DHX16: variants seen among roughly 807,000 people sequenced by gnomAD.
The protein encoded by DHX16 is pre-mRNA-splicing factor ATP-dependent RNA helicase DHX16.
Under a neutral mutation model 131.2 loss-of-function variants are expected in DHX16, and 81 were observed. That is an observed-to-expected ratio of 0.62 (90% CI 0.52 to 0.74). DHX16 has a LOEUF of 0.74. Among genes scored for constraint, DHX16 ranks in the 30% least tolerant of loss-of-function variants. The pLI is 0.00. For synonymous variants in DHX16, 440 were observed against 520.2 expected (o/e 0.85, Z 2.10); for missense variants, 980 against 1,363.1 (o/e 0.72, Z 4.43).
chr6:30,665,801 T>G lies in DHX16; in HGVS notation c.667-68A>C. ...AGCAACCCCTTTCTCTACCAATCCCTACAAGGGAAAAATCCCCTGACAGGC... is the reference window on the plus strand; with the variant it reads ...AGCAACCCCTTTCTCTACCAATCCCGACAAGGGAAAAATCCCCTGACAGGC... On this transcript the variant is annotated intron_variant, in intron 4 of 19. Coordinates refer to ENST00000376442, the MANE Select transcript of DHX16 (RefSeq NM_003587.5). This position sits in a 1 kb window ranked among gnomAD's most constrained non-coding sequence, Gnocchi z 4.8. The G allele has an allele frequency of 6.5e-7, 1 of 1,542,036 alleles. No homozygotes were observed. Among genetic ancestry groups the G allele is most frequent in the Non-Finnish European group, 8.7e-7 (1 of 1,151,040 alleles).
Position 30,656,189 on chromosome 6 carries a change from A to T in DHX16, c.2498+9T>A. 1 of 1,612,514 alleles carries T rather than the reference A, an allele frequency of 6.2e-7. No homozygotes were observed. Among genetic ancestry groups the T allele is most frequent in the Non-Finnish European group, 8.5e-7 (1 of 1,179,974 alleles). On this transcript the variant is annotated intron_variant, in intron 16 of 19. Coordinates refer to ENST00000376442, the MANE Select transcript of DHX16 (RefSeq NM_003587.5). The surrounding 1 kb of genome is among the most constrained non-coding windows in gnomAD (Gnocchi z 5.1). ...TGTGCTGGGGGCCCAGGTGGAGGCG[A>T]GGGCTTACTTCTCAGAGGCTAAGAT...
Position 30,670,259 on chromosome 6 carries a change from G to A in DHX16, c.666+151C>T. On this transcript the variant is annotated intron_variant, in intron 4 of 19. Coordinates refer to ENST00000376442, the MANE Select transcript of DHX16 (RefSeq NM_003587.5). The surrounding 1 kb of genome is among the most constrained non-coding windows in gnomAD (Gnocchi z 4.4). ...CAACAACATAAGTCTATCCTCAGCT[G>A]GCTCCTAACAACCAAGCCCCTCTTC... 1.5e-6 allele frequency: 1 copy of A among 686,282 alleles called. No homozygotes were observed. The highest frequency in any genetic ancestry group is 2.4e-6 in the Non-Finnish European group (1 of 415,116). 42.5% of individuals were successfully genotyped at this position (686,282 alleles called of 1,614,324 possible). A position where few individuals can be genotyped will look rare whatever the true frequency, so the allele number is the denominator to read the frequency against.
Position 30,659,851 on chromosome 6 carries a change from G to A in DHX16, c.1756-17C>T, listed in dbSNP as rs1474417869. 3 of 1,612,208 alleles carry A rather than the reference G, an allele frequency of 1.9e-6. No homozygotes were observed. The highest frequency in any genetic ancestry group is 2.2e-5 in the South Asian group (2 of 90,840). On this transcript the variant is annotated splice_polypyrimidine_tract_variant and intron_variant, in intron 10 of 19. Coordinates refer to ENST00000376442, the MANE Select transcript of DHX16 (RefSeq NM_003587.5). ...CTCTGGAGCCTGGAGAGCAGAAAGAGATGGGGTCACAGGAGGGCCACCTGC... is the reference window on the plus strand; with the variant it reads ...CTCTGGAGCCTGGAGAGCAGAAAGAAATGGGGTCACAGGAGGGCCACCTGC...
rs750482309 is a variant in DHX16, at chr6:30,665,037, T to G, written c.1125+34A>C. On this transcript the variant is annotated intron_variant, in intron 6 of 19. Coordinates refer to ENST00000376442, the MANE Select transcript of DHX16 (RefSeq NM_003587.5). This position sits in a 1 kb window ranked among gnomAD's most constrained non-coding sequence, Gnocchi z 4.8. ...TGTGAGCTAAATAGCTCGCTACGGG[T>G]CTTCCTCAGAAAGTCTCCCAGCTCC... The G allele has an allele frequency of 1.8e-5, 29 of 1,613,590 alleles. 1 individual carries two copies. The African/African-American group carries it at 3.5e-4, about 19-fold the overall frequency.
rs1768012899 is a variant in DHX16, at chr6:30,656,662, T to C, written c.2246A>G (p.Glu749Gly). The C allele has an allele frequency of 6.2e-7, 1 of 1,613,998 alleles. No individual in the cohort carries two copies. The highest frequency in any genetic ancestry group is 8.5e-7 in the Non-Finnish European group (1 of 1,180,036). The change falls in exon 14 of 20, where the codon GAA becomes GGA. Residue 749 changes from glutamate to glycine, a missense_variant. By Grantham distance (98) the Glu-to-Gly change is moderately conservative (BLOSUM62 -2). Coordinates refer to ENST00000376442, the MANE Select transcript of DHX16 (RefSeq NM_003587.5). This position sits in a 1 kb window ranked among gnomAD's most constrained non-coding sequence, Gnocchi z 5.1. Reference protein sequence around the residue: ...TAWAYQHELEETTVPEIQRTS... With the variant: ...TAWAYQHELEGTTVPEIQRTS... ...CCTCTGGATCTCAGGCACTGTGGTTTCCTCAAGCTCGTGCTGATAGGCCCA... is the reference window on the plus strand; with the variant it reads ...CCTCTGGATCTCAGGCACTGTGGTTCCCTCAAGCTCGTGCTGATAGGCCCA...
In DHX16 at chr6:30,662,760, T is replaced by G. The variant is rs374723286; in HGVS notation, c.1429-18A>C. On this transcript the variant is annotated intron_variant, in intron 8 of 19. Coordinates refer to ENST00000376442, the MANE Select transcript of DHX16 (RefSeq NM_003587.5). The surrounding 1 kb of genome is among the most constrained non-coding windows in gnomAD (Gnocchi z 4.7). ...TAGCCAACCTGGTCAAGGGAACCATTAGCAACCAAGTGTGGGCTGGTGTGC... is the reference window on the plus strand; with the variant it reads ...TAGCCAACCTGGTCAAGGGAACCATGAGCAACCAAGTGTGGGCTGGTGTGC... 1.9e-6 allele frequency: 3 copies of G among 1,609,616 alleles called. No individual in the cohort carries two copies. The highest frequency in any genetic ancestry group is 2.5e-6 in the Non-Finnish European group (3 of 1,177,684).
At chr6:30,672,530 C>T (rs1464491889) in intron 1 of DHX16, 105 bp downstream of exon 1, 12 of 1,082,710 alleles carry the variant, frequency 1.1e-5, no homozygotes, top group South Asian at 1.5e-5. Flanking sequence ...CGACAACGGA[C>T]AAAGAATAAG....
chr6:30,660,393 C>G (rs749262718), intron 9 of DHX16, 151 bp from the exon 10 acceptor site: 3 of 591,882 alleles, frequency 5.1e-6, no homozygotes, highest in Non-Finnish European at 8.0e-6. Flanking sequence ...TCAGCCATCC[C>G]ACTTATGTAG....
In DHX16 at chr6:30,665,063, CCT is replaced by C. The variant is rs754941422; in HGVS notation, c.1125+6_1125+7del. 1.9e-6 allele frequency: 3 copies of C among 1,613,952 alleles called. No homozygotes were observed. Among genetic ancestry groups the C allele is most frequent in the Non-Finnish European group, 2.5e-6 (3 of 1,179,962 alleles). On this transcript the variant is annotated splice_donor_region_variant and intron_variant, in intron 6 of 19. Coordinates refer to ENST00000376442, the MANE Select transcript of DHX16 (RefSeq NM_003587.5). This position sits in a 1 kb window ranked among gnomAD's most constrained non-coding sequence, Gnocchi z 4.8. ...CTTCCTCAGAAAGTCTCCCAGCTCC[CCT>C]CTTACCTCATCACCCTGGAGCTGAG...
intron 9 of DHX16, chr6:30,661,666 C>A (rs1768529194): frequency 2.9e-6 from 2 of 697,746 alleles, no homozygotes; most frequent in African/African-American, 3.5e-5. Flanking sequence ...TCTCTTTGTT[C>A]TTTGGCTTTT....
Position 30,665,808 on chromosome 6 carries a change from G to T in DHX16, c.667-75C>A. ...CCTTTCTCTACCAATCCCTACAAGG[G>T]AAAAATCCCCTGACAGGCAGGCATG... On this transcript the variant is annotated intron_variant, in intron 4 of 19. Coordinates refer to ENST00000376442, the MANE Select transcript of DHX16 (RefSeq NM_003587.5). The surrounding 1 kb of genome is among the most constrained non-coding windows in gnomAD (Gnocchi z 4.8). 1 of 1,531,488 alleles carries T rather than the reference G, an allele frequency of 6.5e-7. No individual in the cohort carries two copies. Among genetic ancestry groups the T allele is most frequent in the South Asian group, 1.2e-5 (1 of 80,082 alleles). The allele number at this position is 1,531,488 out of a possible 1,614,324, so 94.9% of individuals were successfully genotyped here.
rs1231890224 is a variant in DHX16 at position 30,670,554 on chromosome 6, C to G, written c.610-88G>C. On this transcript the variant is annotated intron_variant, in intron 3 of 19. Transcript: ENST00000376442. The surrounding 1 kb of genome is among the most constrained non-coding windows in gnomAD (Gnocchi z 4.4). ...CCCCTCTAGAATCACAAGGATCATT[C>G]AGATGCGCCCTAACACAAAAAATGT... 1 of 1,418,374 alleles carries G rather than the reference C, an allele frequency of 7.1e-7. No individual in the cohort carries two copies. Among genetic ancestry groups the G allele is most frequent in the Non-Finnish European group, 9.7e-7 (1 of 1,027,580 alleles). 87.9% of individuals were successfully genotyped at this position (1,418,374 alleles called of 1,614,324 possible). A position where few individuals can be genotyped will look rare whatever the true frequency, so the allele number is the denominator to read the frequency against.
In DHX16 at chr6:30,665,391, G is replaced by T; in HGVS notation, c.921+88C>A. On this transcript the variant is annotated intron_variant, in intron 5 of 19. Transcript: ENST00000376442. The surrounding 1 kb of genome is among the most constrained non-coding windows in gnomAD (Gnocchi z 4.8). ...TTGGGAACGGCAAGGCAAGAAAGGG[G>T]ATGACCCACGTGTTGCCCAATCCCC... 1 of 1,582,656 alleles carries T rather than the reference G, an allele frequency of 6.3e-7. No homozygotes were observed. Among genetic ancestry groups the T allele is most frequent in the East Asian group, 2.2e-5 (1 of 44,560 alleles).
Position 30,665,397 on chromosome 6 carries a change from C to T in DHX16, c.921+82G>A, listed in dbSNP as rs557197797. 1.1e-4 allele frequency: 168 copies of T among 1,581,854 alleles called. 1 individual carries two copies. In the African/African-American group the frequency reaches 2.0e-3, roughly 18 times the overall value. On this transcript the variant is annotated intron_variant, in intron 5 of 19. Coordinates refer to ENST00000376442, the MANE Select transcript of DHX16 (RefSeq NM_003587.5). The surrounding 1 kb of genome is among the most constrained non-coding windows in gnomAD (Gnocchi z 4.8). ...ACGGCAAGGCAAGAAAGGGGATGAC[C>T]CACGTGTTGCCCAATCCCCTGAAGC...
chr6:30,664,653 G>C (rs1768842147), intron 7 of DHX16, 148 bp downstream of exon 7: 2 of 702,820 alleles, frequency 2.8e-6, no homozygotes, highest in Non-Finnish European at 4.6e-6. Context: ...AATGTGAAAA[G>C]GGTATGGTCT....
intron 4 of DHX16, among the ~76,000 whole-genome samples, chr6:30,669,149 C>T (rs777308335): frequency 6.6e-5 from 10 of 152,074 alleles, no homozygotes; most frequent in Non-Finnish European, 1.2e-4. Context: ...AACGGCCAGG[C>T]GTAGTGGCTC....
Position 30,654,751 on chromosome 6 carries a change from C to A in DHX16, c.2952G>T (p.Leu984=). 1 of 1,612,988 alleles carries A rather than the reference C, an allele frequency of 6.2e-7. No individual in the cohort carries two copies. The highest frequency in any genetic ancestry group is 2.2e-5 in the East Asian group (1 of 44,878). The change falls in exon 19 of 20, where the codon CTG becomes CTT. Residue 984 remains leucine (L), a synonymous_variant. Transcript: ENST00000376442. ...TGGTCAAGACAAGTTCGTGGTAGAG[C>A]AGCCAGCGTGGCTGTTGCTCAAAGA... ...SSLFEQQPRW[L]LYHELVLTTK... is the part of the protein sequence containing the mutation.
In DHX16 at chr6:30,670,530, C is replaced by T. The variant is rs576286022; in HGVS notation, c.610-64G>A. The T allele has an allele frequency of 3.6e-4, 550 of 1,527,730 alleles. No individual in the cohort carries two copies. The African/African-American group carries it at 6.5e-3, about 18-fold the overall frequency. The allele number at this position is 1,527,730 out of a possible 1,614,324, so 94.6% of individuals were successfully genotyped here. A position where few individuals can be genotyped will look rare whatever the true frequency, so the allele number is the denominator to read the frequency against. On this transcript the variant is annotated intron_variant, in intron 3 of 19. Transcript: ENST00000376442. This position sits in a 1 kb window ranked among gnomAD's most constrained non-coding sequence, Gnocchi z 4.4. ...AGAGCCCCCACACTGACAGCTGCTC[C>T]CCTCTAGAATCACAAGGATCATTCA...
In DHX16 at chr6:30,659,780, C is replaced by A. The variant is rs1768322150; in HGVS notation, c.1810G>T (p.Val604Leu). The change falls in exon 11 of 20, where the codon GTG (valine) becomes TTG (leucine). Residue 604 changes from valine to leucine, a missense_variant. Val to Leu is a conservative substitution (Grantham distance 32). Around this residue, in one of 3 missense-constraint regions of DHX16, gnomAD observed 309 missense variants for 537.1 expected, o/e 0.58. Transcript: ENST00000376442. ...ACVVSVLQIH[V>L]TQPPGDILVF... ...AGGATATCCCCAGGGGGCTGGGTCA[C>A]ATGGATCTGCAACACAGATACTACA... 1 of 1,614,058 alleles carries A rather than the reference C, an allele frequency of 6.2e-7. No homozygotes were observed. Among genetic ancestry groups the A allele is most frequent in the African/African-American group, 1.3e-5 (1 of 74,908 alleles).
Sources: allele counts gnomAD v4.1 joint callset (sites outside exome capture counted in the v4.1 genomes callset), GRCh38; gene constraint gnomAD v4.1.1; regional missense constraint gnomAD v4.1.1; non-coding constraint Gnocchi (gnomAD v3.1); transcripts MANE v1.5; gene names NCBI Gene and HGNC (gene_info 2026-07-23, HGNC 2026-07-21).